Variants in CFAP251 observed in about 807,000 individuals in gnomAD.
The protein encoded by CFAP251 is cilia- and flagella-associated protein 251.
In CFAP251, 93 loss-of-function variants were observed where a neutral mutation model predicts 126.7. That is an observed-to-expected ratio of 0.73 (90% CI 0.62 to 0.87). The LOEUF is 0.87. CFAP251 is among the 40% of genes least tolerant of loss of function. The pLI is 0.00. For synonymous variants in CFAP251, 503 were observed against 506.9 expected, an observed-to-expected ratio of 0.99 and a Z score of 0.10; for missense variants, 1,287 against 1,389.2, an observed-to-expected ratio of 0.93 and a Z score of 1.17.
intron 17 of CFAP251, chr12:121,969,897 C>T: frequency 1.0e-6 from 1 of 985,410 alleles, no homozygotes; most frequent in Non-Finnish European, 1.2e-6. Flanking sequence ...GGCCAGAGTC[C>T]AGGCTTCTGA....
rs777437468 is a variant in CFAP251, at chr12:121,999,903, C to T, written c.3194C>T (p.Ala1065Val). ...LGYTNSKGKK[A>V]IRREDFLRLL... ...TATACCAACTCCAAAGGGAAAAAGG[C>T]CATTCGAAGAGAGGACTTCCTGAGA... Residue 1065 changes from alanine (A) to valine (V), a missense_variant, in exon 20 of 22, where the codon GCC (alanine) becomes GTC (valine). Ala to Val is a moderately conservative substitution (Grantham distance 64, BLOSUM62 0). Transcript: ENST00000288912. 4 of 1,613,968 alleles carry T rather than the reference C, an allele frequency of 2.5e-6. No individual in the cohort carries two copies. Among genetic ancestry groups the T allele is most frequent in the South Asian group, 1.1e-5 (1 of 91,076 alleles).
intron 5 of CFAP251, among the ~76,000 whole-genome samples, chr12:121,941,444 C>G (rs2135762545): frequency 6.6e-6 from 1 of 151,158 alleles, no homozygotes; most frequent in East Asian, 1.9e-4. Context: ...AGCGATACTC[C>G]CACCTCAGCC....
intron 5 of CFAP251, among the ~76,000 whole-genome samples, chr12:121,936,953 G>A (rs1396281310): frequency 6.6e-6 from 1 of 152,240 alleles, no homozygotes; most frequent in Non-Finnish European, 1.5e-5. Context: ...GTGAGTGTGG[G>A]CTCTGGCGTC....
intron 15 of CFAP251, among the ~76,000 whole-genome samples, chr12:121,966,687 G>A (rs886441623): frequency 6.7e-6 from 1 of 149,490 alleles, no homozygotes; most frequent in African/African-American, 2.5e-5. Flanking sequence ...CCAGTTTCAA[G>A]CGATTCTCCT....
intron 19 of CFAP251, among the ~76,000 whole-genome samples, chr12:121,981,429 C>T (rs1882619168): frequency 6.6e-6 from 1 of 152,146 alleles, no homozygotes; most frequent in Non-Finnish European, 1.5e-5. Context: ...GTGATCACGC[C>T]ACTGCACACA....
intron 4 of CFAP251, chr12:121,933,607 C>A (rs1041297198): frequency 2.6e-5 from 4 of 152,464 alleles, no homozygotes. Flanking sequence ...CGCTTGAGCC[C>A]AGGAGTTTGA....
chr12:121,929,310 A>G (rs1284035062), intron 3 of CFAP251, among the ~76,000 whole-genome samples: 1 of 145,788 alleles, frequency 6.9e-6, no homozygotes, highest in Non-Finnish European at 1.5e-5. Context: ...ACAGAGCGAG[A>G]CTCCATCTCA....
chr12:122,001,248 G>A (rs555095013), intron 20 of CFAP251, among the ~76,000 whole-genome samples: 122 of 150,912 alleles, frequency 8.1e-4, no homozygotes, highest in African/African-American at 2.8e-3. Context: ...TAGAGATGGG[G>A]TTTCACCATG....
chr12:121,968,653 A>G (rs1882233291), intron 17 of CFAP251, among the ~76,000 whole-genome samples: 2 of 152,038 alleles, frequency 1.3e-5, no homozygotes, highest in African/African-American at 4.8e-5. Flanking sequence ...TATGAGTTTG[A>G]ATATGGGCCC....
At chr12:121,948,869 C>T in intron 7 of CFAP251, 115 bp from the exon 8 acceptor site, 1 of 589,930 alleles carries the variant, frequency 1.7e-6, no homozygotes, top group Non-Finnish European at 2.9e-6. Context: ...GGTATCTTTT[C>T]TGTTTTATAT....
At position 121,942,547 on chromosome 12, in the gene CFAP251, A is replaced by G. The variant is rs1881162954; in HGVS notation, c.1012A>G (p.Thr338Ala). 6.2e-6 allele frequency: 10 copies of G among 1,613,478 alleles called. No homozygotes were observed. In the East Asian group the frequency reaches 2.2e-4, roughly 36 times the overall value. ...CCTGTTTTGCAGTATTCCTGTGCACACAATATTTGACAGCTGCCCTGAAGG... is the reference window on the plus strand; with the variant it reads ...CCTGTTTTGCAGTATTCCTGTGCACGCAATATTTGACAGCTGCCCTGAAGG... The part of the protein sequence containing the change: ...WDSFTGIPVH[T>A]IFDSCPEGNG... Residue 338 changes from threonine to alanine, a missense_variant, in exon 6 of 22, where the codon ACA becomes GCA. Coordinates refer to ENST00000288912, the MANE Select transcript of CFAP251 (RefSeq NM_144668.6).
At chr12:121,941,460 A>T (rs1881114961) in intron 5 of CFAP251, among the ~76,000 whole-genome samples, 1 of 149,246 alleles carries the variant, frequency 6.7e-6, no homozygotes, top group Non-Finnish European at 1.5e-5. Context: ...CAGCCTCCCA[A>T]GTAGTTGGGC....
At chr12:122,000,477 G>A (rs1458489815) in intron 20 of CFAP251, among the ~76,000 whole-genome samples, 4 of 151,388 alleles carry the variant, frequency 2.6e-5, no homozygotes, top group South Asian at 2.1e-4. Context: ...GCTTGAACCC[G>A]GGAGGTGGAG....
chr12:122,000,872 A>G (rs138332153), intron 20 of CFAP251, among the ~76,000 whole-genome samples: 100 of 151,884 alleles, frequency 6.6e-4, no homozygotes, highest in African/African-American at 2.2e-3. Flanking sequence ...TGACAGTACC[A>G]TGGGACTCTA....
chr12:121,943,516 A>G (rs2135765453), intron 7 of CFAP251, among the ~76,000 whole-genome samples: 1 of 151,894 alleles, frequency 6.6e-6, no homozygotes, highest in South Asian at 2.1e-4. Flanking sequence ...TCTGCCTCCC[A>G]GGTTCAAGCG....
intron 19 of CFAP251, among the ~76,000 whole-genome samples, chr12:121,995,135 A>G (rs1455025915): frequency 1.3e-5 from 2 of 152,172 alleles, no homozygotes; most frequent in East Asian, 1.9e-4. Context: ...AACTGAGGAG[A>G]AGGAATGTGA....
chr12:121,957,105 A>G lies in CFAP251; in HGVS notation c.1567A>G (p.Ile523Val), dbSNP rs774082065. ...YIVTGDIKGN[I>V]KFYDHTLSIV... ...TGTCACAGGTGACATTAAGGGGAAC[A>G]TTAAGTTCTATGATCACACCCTGTC... is the stretch of plus-strand genomic sequence containing the variant. The change falls in exon 11 of 22, where the codon ATT becomes GTT. Residue 523 changes from isoleucine (I) to valine (V), a missense_variant. Ile to Val is a conservative substitution (Grantham distance 29). Transcript: ENST00000288912. 6.2e-7 allele frequency: 1 copy of G among 1,605,216 alleles called. No individual in the cohort carries two copies. The highest frequency in any genetic ancestry group is 8.5e-7 in the Non-Finnish European group (1 of 1,177,200).
Position 121,945,327 on chromosome 12 carries a change from G to GTTTTC in CFAP251, c.1191+2377_1191+2381dup, listed in dbSNP as rs71917340. On this transcript the variant is annotated intron_variant, in intron 7 of 21. Coordinates refer to ENST00000288912, the MANE Select transcript of CFAP251 (RefSeq NM_144668.6). Reference sequence around the variant, plus strand: ...CTGTTTTTTTTGTTGTTGTTGTTTTGTTTTCTTTTCTTTTCTTTTCTTTTC... The same window carrying GTTTTC: ...CTGTTTTTTTTGTTGTTGTTGTTTTGTTTTCTTTTCTTTTCTTTTCTTTTCTTTTC... 3.2e-3 allele frequency among the ~76,000 whole-genome samples: 481 copies of GTTTTC among 150,678 alleles called. 1 individual carries two copies. Among genetic ancestry groups the GTTTTC allele is most frequent in the Non-Finnish European group, 5.2e-3 (354 of 67,438 alleles).
chr12:121,945,958 G>A (rs1881310386), intron 7 of CFAP251, among the ~76,000 whole-genome samples: 3 of 152,192 alleles, frequency 2.0e-5, no homozygotes, highest in Non-Finnish European at 4.4e-5. Flanking sequence ...GAGCCACCAT[G>A]CCTGGCCATA....
Sources: gnomAD v4.1 joint callset for allele counts (sites outside exome capture counted in the v4.1 genomes callset) on GRCh38, gnomAD v4.1.1 for gene constraint, MANE v1.5 for transcripts, NCBI Gene and HGNC (gene_info 2026-07-23, HGNC 2026-07-21) for gene names.